The following RIMS2 variants were observed in gnomAD, a reference collection of about 807,000 sequenced individuals.
RIMS2 encodes the protein regulating synaptic membrane exocytosis 2.
RIMS2 carries 59 observed loss-of-function variants against 174.4 expected under a neutral mutation model. That is an observed-to-expected ratio of 0.34 (90% CI 0.27 to 0.42). The LOEUF is 0.42. Among genes scored for constraint, RIMS2 ranks in the 10% least tolerant of loss-of-function variants. RIMS2 has a pLI of 1.00. For missense variants in RIMS2, 1,620 were observed against 1,666.3 expected (o/e 0.97, Z 0.48); for synonymous variants, 606 against 572.5 (o/e 1.06, Z -0.84).
At chr8:103,565,584 C>T (rs115870672) in intron 1 of RIMS2, among the ~76,000 whole-genome samples, 2,807 of 152,184 alleles carry the variant, frequency 0.018, 68 homozygotes, top group African/African-American at 0.06. Context: ...GGCATTACAC[C>T]GCACTTGGCC....
intron 19 of RIMS2, among the ~76,000 whole-genome samples, chr8:104,087,997 C>T (rs1489634231): frequency 6.6e-6 from 1 of 152,092 alleles, no homozygotes; most frequent in Non-Finnish European, 1.5e-5. Context: ...TGTCTTTGGC[C>T]TTTGCTCACT....
intron 2 of RIMS2, among the ~76,000 whole-genome samples, chr8:103,707,479 T>C: frequency 6.6e-6 from 1 of 152,196 alleles, no homozygotes; most frequent in South Asian, 2.1e-4. Flanking sequence ...TGTAGCCATT[T>C]CAGCACTAGA....
intron 19 of RIMS2, among the ~76,000 whole-genome samples, chr8:104,024,541 C>T (rs955967620): frequency 1.3e-5 from 2 of 151,348 alleles, no homozygotes; most frequent in Non-Finnish European, 3.0e-5. Flanking sequence ...CAACCGGTTT[C>T]GTTGTTGTTG....
intron 3 of RIMS2, among the ~76,000 whole-genome samples, chr8:103,794,309 C>A (rs545363950): frequency 6.6e-6 from 1 of 151,998 alleles, no homozygotes; most frequent in African/African-American, 2.4e-5. Context: ...CTTTGACAAA[C>A]GGAACAAAAA....
intron 2 of RIMS2, among the ~76,000 whole-genome samples, chr8:103,755,266 T>C (rs940834173): frequency 1.3e-5 from 2 of 152,202 alleles, no homozygotes; most frequent in African/African-American, 4.8e-5. Context: ...CCCCACTCCG[T>C]TTTGGCTTGT....
chr8:103,846,371 G>A (rs573237523), intron 3 of RIMS2, among the ~76,000 whole-genome samples: 1 of 152,280 alleles, frequency 6.6e-6, no homozygotes, highest in South Asian at 2.1e-4. Context: ...AAGCAGGATA[G>A]AGAAAGAAGA....
intron 19 of RIMS2, among the ~76,000 whole-genome samples, chr8:104,153,817 T>C (rs2098704906): frequency 6.6e-6 from 1 of 152,130 alleles, no homozygotes; most frequent in Non-Finnish European, 1.5e-5. Flanking sequence ...AAGGATATCT[T>C]AGAAACCAAA....
At chr8:103,920,557 C>T (rs536577208) in intron 9 of RIMS2, 5 of 429,418 alleles carry the variant, frequency 1.2e-5, no homozygotes, top group African/African-American at 8.2e-5. Context: ...AGGTTAATTT[C>T]CAACACTAGT....
intron 1 of RIMS2, among the ~76,000 whole-genome samples, chr8:103,603,290 T>A (rs994175984): frequency 1.3e-4 from 19 of 151,946 alleles, no homozygotes; most frequent in African/African-American, 4.6e-4. Flanking sequence ...GAATGATGCT[T>A]TCCAATTTCA....
intron 1 of RIMS2, among the ~76,000 whole-genome samples, chr8:103,575,115 A>G (rs534246377): frequency 6.6e-6 from 1 of 152,326 alleles, no homozygotes; most frequent in South Asian, 2.1e-4. Flanking sequence ...ATATCACTCA[A>G]TTAAAAAATA....
At chr8:104,169,597 G>A (rs2135365142) in intron 19 of RIMS2, among the ~76,000 whole-genome samples, 1 of 151,456 alleles carries the variant, frequency 6.6e-6, no homozygotes, top group Non-Finnish European at 1.5e-5. Context: ...TCTCGCTAAT[G>A]GTCTATCAAT....
At chr8:104,043,613 A>G (rs541270641) in intron 19 of RIMS2, among the ~76,000 whole-genome samples, 13 of 151,678 alleles carry the variant, frequency 8.6e-5, no homozygotes, top group East Asian at 3.9e-4. Context: ...TAAGGTCTCA[A>G]TGATAGAACT....
At chr8:103,893,440 G>GT (rs1449756690) in intron 4 of RIMS2, among the ~76,000 whole-genome samples, 9 of 152,030 alleles carry the variant, frequency 5.9e-5, no homozygotes, top group African/African-American at 2.2e-4. Flanking sequence ...AACCTTTTGG[G>GT]TATACAATGT....
chr8:104,168,003 C>G (rs544161370), intron 19 of RIMS2, among the ~76,000 whole-genome samples: 320 of 152,196 alleles, frequency 2.1e-3, no homozygotes, highest in Non-Finnish European at 4.0e-3. Context: ...CCTGGGTTCT[C>G]TATTCTATTC....
At chr8:103,791,929 T>G (rs893546290) in intron 3 of RIMS2, among the ~76,000 whole-genome samples, 1 of 152,042 alleles carries the variant, frequency 6.6e-6, no homozygotes, top group Admixed American at 6.6e-5. Context: ...AGCAAGTCCT[T>G]AGAGACCTAC....
chr8:103,590,071 A>T (rs749232852), intron 1 of RIMS2, among the ~76,000 whole-genome samples: 12 of 151,382 alleles, frequency 7.9e-5, no homozygotes, highest in Non-Finnish European at 1.8e-4. Context: ...GTTTGAAATA[A>T]CTTAGAGGGT....
At chr8:103,749,889 TTTGA>T (rs2139673824) in intron 2 of RIMS2, among the ~76,000 whole-genome samples, 1 of 152,272 alleles carries the variant, frequency 6.6e-6, no homozygotes, top group South Asian at 2.1e-4. Flanking sequence ...TTGGGAAGCA[TTTGA>T]TTGTTTATTG....
exon 4 of RIMS2, chr8:103,885,487 C>A (rs371608826): frequency 3.6e-5 from 58 of 1,612,400 alleles, no homozygotes; most frequent in Non-Finnish European, 4.7e-5. Flanking sequence ...ATAGGGACTC[C>A]AACAGGAGAA....
At chr8:103,917,690 A>G (rs931978058) in intron 8 of RIMS2, among the ~76,000 whole-genome samples, 7 of 152,152 alleles carry the variant, frequency 4.6e-5, no homozygotes, top group Admixed American at 2.0e-4. Flanking sequence ...TCCCCATAAG[A>G]AACATGTTTG....
Sources: gnomAD v4.1 joint callset for allele counts (sites outside exome capture counted in the v4.1 genomes callset) on GRCh38, gnomAD v4.1.1 for gene constraint, MANE v1.5 for transcripts, NCBI Gene and HGNC (gene_info 2026-07-23, HGNC 2026-07-21) for gene names.